Variants in ZC3H12B observed in about 807,000 individuals in gnomAD.
The protein encoded by ZC3H12B is zinc finger CCCH-type containing 12B, also known as probable ribonuclease ZC3H12B.
A neutral mutation model predicts 43.9 loss-of-function variants in ZC3H12B; 7 were observed. The observed-to-expected ratio is 0.16, with a 90% CI of 0.09 to 0.30. The LOEUF (loss-of-function observed/expected upper bound fraction) is 0.30. ZC3H12B is among the 10% of genes least tolerant of loss of function. The pLI is 1.00. For missense variants in ZC3H12B, 475 were observed against 670.2 expected (o/e 0.71, Z 3.22); for synonymous variants, 222 against 241.7 (o/e 0.92, Z 0.76).
chrX:65,431,631 C>G (rs1049548232), intron 3 of ZC3H12B, among the ~76,000 whole-genome samples: 9 of 112,441 alleles, frequency 8.0e-5, no homozygotes, highest in African/African-American at 2.9e-4. Context: ...TGAGATCACA[C>G]TTTGATGAGC....
At chrX:65,487,085 G>A (rs996222884), upstream of ZC3H12B, among the ~76,000 whole-genome samples, 5 of 112,671 alleles carry the variant, frequency 4.4e-5, no homozygotes, top group African/African-American at 9.7e-5. Flanking sequence ...TTTTAAAGTC[G>A]CAAGTGGTAA....
chrX:65,074,928 A>G, the ZC3H12B span, among the ~76,000 whole-genome samples: 2 of 112,141 alleles, frequency 1.8e-5, no homozygotes, highest in Admixed American at 9.4e-5. Context: ...GATAATTCAT[A>G]TATCTCCTTT....
At chrX:65,224,688 G>A in the ZC3H12B span, among the ~76,000 whole-genome samples, 7 of 111,962 alleles carry the variant, frequency 6.3e-5, no homozygotes, top group Non-Finnish European at 9.4e-5. Context: ...GCACTTTTCC[G>A]ACGGGCTTAA....
At chrX:65,201,989 G>A in the ZC3H12B span, among the ~76,000 whole-genome samples, 1 of 98,494 alleles carries the variant, frequency 1.0e-5, no homozygotes, top group African/African-American at 3.8e-5. Context: ...GGCCTCCTTA[G>A]CCATGCAGAA....
chrX:65,385,991 A>T (rs1173388602), intron 2 of ZC3H12B, among the ~76,000 whole-genome samples: 1 of 112,230 alleles, frequency 8.9e-6, no homozygotes, highest in East Asian at 2.8e-4. Flanking sequence ...CCCAGGGATG[A>T]AGCCCACTTG....
At chrX:65,182,698 AG>A in the ZC3H12B span, among the ~76,000 whole-genome samples, 1 of 109,459 alleles carries the variant, frequency 9.1e-6, no homozygotes, top group African/African-American at 3.4e-5. Context: ...AGAATCTTTA[AG>A]GAACTTTGTC....
chrX:65,437,784 G>A (rs1165959500), intron 3 of ZC3H12B, among the ~76,000 whole-genome samples: 1 of 111,105 alleles, frequency 9.0e-6, no homozygotes, highest in Non-Finnish European at 1.9e-5. Flanking sequence ...TGCTTTTATT[G>A]CCTATGCTTA....
chrX:65,393,968 TC>T (rs1435625370), intron 2 of ZC3H12B, among the ~76,000 whole-genome samples: 2 of 112,730 alleles, frequency 1.8e-5, no homozygotes, highest in African/African-American at 6.4e-5. Context: ...GAGCTTTTTT[TC>T]ATATGCTTGT....
the ZC3H12B span, among the ~76,000 whole-genome samples, chrX:65,312,827 A>G: frequency 9.0e-6 from 1 of 111,672 alleles, no homozygotes; most frequent in Non-Finnish European, 1.9e-5. Flanking sequence ...CTCCACCCTC[A>G]TGACCTAATC....
At chrX:65,160,618 CA>C in the ZC3H12B span, among the ~76,000 whole-genome samples, 3 of 111,471 alleles carry the variant, frequency 2.7e-5, no homozygotes, top group East Asian at 2.8e-4. Flanking sequence ...TCCCCTTTAT[CA>C]TTTTTTTTGT....
At chrX:65,456,583 C>T (rs1212895022) in intron 3 of ZC3H12B, among the ~76,000 whole-genome samples, 26 of 105,633 alleles carry the variant, frequency 2.5e-4, no homozygotes, top group Admixed American at 1.0e-3. Flanking sequence ...CGATTGCAGG[C>T]GCGCGCCGCC....
At chrX:65,461,020 AC>A (rs2067736011) in intron 3 of ZC3H12B, among the ~76,000 whole-genome samples, 1 of 112,276 alleles carries the variant, frequency 8.9e-6, no homozygotes, top group Non-Finnish European at 1.9e-5. Context: ...CAAGAAAAAA[AC>A]AACCCCATCA....
intron 3 of ZC3H12B, among the ~76,000 whole-genome samples, chrX:65,481,601 T>C (rs2068064783): frequency 9.0e-6 from 1 of 111,243 alleles, no homozygotes; most frequent in South Asian, 3.8e-4. Context: ...CAGCCAAGAG[T>C]GTACCTATGT....
the ZC3H12B span, among the ~76,000 whole-genome samples, chrX:65,322,100 A>T: frequency 9.0e-6 from 1 of 111,708 alleles, no homozygotes; most frequent in Non-Finnish European, 1.9e-5. Context: ...TCTTGTGAGT[A>T]CTTCAGGCTG....
chrX:65,118,077 A>C, the ZC3H12B span, among the ~76,000 whole-genome samples: 1 of 111,528 alleles, frequency 9.0e-6, no homozygotes, highest in Non-Finnish European at 1.9e-5. Context: ...GCTTTAAAGT[A>C]GTTTTTTCCA....
intron 3 of ZC3H12B, among the ~76,000 whole-genome samples, chrX:65,417,188 T>C (rs1254483483): frequency 1.8e-5 from 2 of 112,018 alleles, no homozygotes; most frequent in Non-Finnish European, 3.8e-5. Context: ...ATAATACCTA[T>C]GTACAGGGTG....
At chrX:65,115,830 CT>C in the ZC3H12B span, among the ~76,000 whole-genome samples, 1 of 111,735 alleles carries the variant, frequency 8.9e-6, no homozygotes, top group Non-Finnish European at 1.9e-5. Context: ...TTTCCATATG[CT>C]TTTTGGCCAT....
the ZC3H12B span, among the ~76,000 whole-genome samples, chrX:65,099,269 G>A: frequency 3.2e-4 from 36 of 111,868 alleles, no homozygotes; most frequent in South Asian, 0.011. Flanking sequence ...GGGGGAAGGG[G>A]TGGCTGTGGG....
chrX:65,226,501 A>C, the ZC3H12B span, among the ~76,000 whole-genome samples: 1 of 111,858 alleles, frequency 8.9e-6, no homozygotes, highest in Non-Finnish European at 1.9e-5. Context: ...AGCTAACATC[A>C]TAATGACAGT....
Sources: gnomAD v4.1 joint callset for allele counts (sites outside exome capture counted in the v4.1 genomes callset) on GRCh38, gnomAD v4.1.1 for gene constraint, MANE v1.5 for transcripts, NCBI Gene and HGNC (gene_info 2026-07-23, HGNC 2026-07-21) for gene names.